Variants in FGF13 observed in about 807,000 individuals in gnomAD.
FGF13 encodes the protein fibroblast growth factor homologous factor 2.
In FGF13, 2 loss-of-function variants were observed where a neutral mutation model predicts 19.5. The observed-to-expected ratio is 0.10, with a 90% confidence interval of 0.04 to 0.32. The LOEUF is 0.32. Ranked by LOEUF, FGF13 falls within the 10% of genes least tolerant of loss-of-function variation. FGF13 has a pLI of 1.00. For missense variants in FGF13, 113 were observed against 192.7 expected, an observed-to-expected ratio of 0.59 and a Z score of 2.45; for synonymous variants, 72 against 76.9, an observed-to-expected ratio of 0.94 and a Z score of 0.33.
At chrX:139,150,778 C>A (rs1180875245) in intron 1 of FGF13, among the ~76,000 whole-genome samples, 1 of 111,735 alleles carries the variant, frequency 8.9e-6, no homozygotes, top group African/African-American at 3.3e-5. Context: ...GTATGATAAG[C>A]ACTGAGATGC....
chrX:138,637,134 G>A (rs1348135890), intron 3 of FGF13, among the ~76,000 whole-genome samples: 1 of 111,928 alleles, frequency 8.9e-6, no homozygotes, highest in South Asian at 3.7e-4. Context: ...ATGTTCAGAG[G>A]ATTCACACAA....
At chrX:139,054,209 G>A (rs1448165061) in intron 1 of FGF13, among the ~76,000 whole-genome samples, 5 of 88,743 alleles carry the variant, frequency 5.6e-5, no homozygotes, top group Admixed American at 3.1e-4. Context: ...TGCAAACTCC[G>A]CCTCCCGGGT....
chrX:139,128,373 C>G (rs2083733496), intron 1 of FGF13, among the ~76,000 whole-genome samples: 1 of 111,811 alleles, frequency 8.9e-6, no homozygotes, highest in Non-Finnish European at 1.9e-5. Flanking sequence ...TCATTATATA[C>G]TACCACAATC....
At chrX:138,909,689 A>T (rs1265044933) in intron 1 of FGF13, among the ~76,000 whole-genome samples, 1 of 112,091 alleles carries the variant, frequency 8.9e-6, no homozygotes, top group African/African-American at 3.2e-5. Context: ...CAACTCTGCA[A>T]CTTACAGTTA....
At chrX:138,681,697 A>G (rs779947883) in intron 3 of FGF13, among the ~76,000 whole-genome samples, 3 of 112,043 alleles carry the variant, frequency 2.7e-5, no homozygotes, top group Non-Finnish European at 5.6e-5. Context: ...TTAAAGTAAG[A>G]GAAGTGCAAC....
chrX:139,176,403 A>G (rs1268756573), intron 1 of FGF13, among the ~76,000 whole-genome samples: 4 of 72,697 alleles, frequency 5.5e-5, no homozygotes, highest in Non-Finnish European at 7.6e-5. Context: ...TTTTGTCTCT[A>G]TCTCCTTCAG....
chrX:139,177,430 T>C (rs887549670), intron 1 of FGF13, among the ~76,000 whole-genome samples: 2 of 110,846 alleles, frequency 1.8e-5, no homozygotes, highest in Non-Finnish European at 3.8e-5. Flanking sequence ...CATTTAAGGT[T>C]AATATTGTTA....
At chrX:138,774,015 C>G (rs752516310) in intron 3 of FGF13, among the ~76,000 whole-genome samples, 1 of 111,534 alleles carries the variant, frequency 9.0e-6, no homozygotes, top group Non-Finnish European at 1.9e-5. Context: ...CCAATGACAA[C>G]AGTCTTACTG....
chrX:138,931,277 A>T lies in FGF13; in HGVS notation c.-112-66627T>A, dbSNP rs1207927818. Among the ~76,000 whole-genome samples the T allele has an allele frequency of 2.7e-5, 3 of 111,163 alleles. No homozygotes were observed. In the Admixed American group the frequency reaches 2.8e-4, roughly 11 times the overall value. On this transcript the variant is annotated intron_variant, in intron 1 of 2. Coordinates refer to the FGF13 transcript ENST00000421460. The stretch of plus-strand genomic sequence containing the variant: ...TGTTTTTTTTTTTTAATAACTGTCA[A>T]CTTTTCCCTAGGCAGCAGGGCTGTG...
At chrX:138,743,879 A>G (rs2090337064), upstream of FGF13, among the ~76,000 whole-genome samples, 1 of 110,957 alleles carries the variant, frequency 9.0e-6, no homozygotes, top group African/African-American at 3.3e-5. Context: ...GGCAATTTGG[A>G]ATACTATCAG....
chrX:139,144,538 G>C (rs994732916), intron 1 of FGF13, among the ~76,000 whole-genome samples: 1 of 111,358 alleles, frequency 9.0e-6, no homozygotes, highest in Admixed American at 9.6e-5. Context: ...TCCTGCAATG[G>C]TCTCCTTCCT....
chrX:139,089,200 C>T (rs1289532706), intron 1 of FGF13, among the ~76,000 whole-genome samples: 1 of 111,873 alleles, frequency 8.9e-6, no homozygotes, highest in Non-Finnish European at 1.9e-5. Context: ...GGCAATGAGG[C>T]AGCTGAGGAC....
intron 1 of FGF13, among the ~76,000 whole-genome samples, chrX:138,948,171 T>C (rs1475037988): frequency 8.9e-6 from 1 of 111,874 alleles, no homozygotes; most frequent in African/African-American, 3.2e-5. Flanking sequence ...TTGTGCTTAC[T>C]ACCTTCCCCA....
intron 1 of FGF13, among the ~76,000 whole-genome samples, chrX:139,146,774 G>A (rs761893235): frequency 9.0e-6 from 1 of 111,708 alleles, no homozygotes; most frequent in East Asian, 2.8e-4. Context: ...ATACCCCATG[G>A]AATACTATGC....
intron 3 of FGF13, among the ~76,000 whole-genome samples, chrX:138,778,539 C>G (rs1569391862): frequency 8.9e-6 from 1 of 112,301 alleles, no homozygotes; most frequent in Non-Finnish European, 1.9e-5. Context: ...CTTTCCTAGT[C>G]AAAGAAAGGG....
At chrX:138,686,836 A>G (rs1227156248) in intron 3 of FGF13, among the ~76,000 whole-genome samples, 2 of 112,100 alleles carry the variant, frequency 1.8e-5, no homozygotes, top group African/African-American at 3.2e-5. Flanking sequence ...TTAGTATTCA[A>G]TGATGCATAA....
chrX:138,983,303 T>A (rs1391812440), intron 1 of FGF13, among the ~76,000 whole-genome samples: 1 of 107,872 alleles, frequency 9.3e-6, no homozygotes, highest in Non-Finnish European at 1.9e-5. Flanking sequence ...AGACGGGGTC[T>A]AATTTTATTC....
At chrX:138,659,187 A>C (rs1431489201) in intron 3 of FGF13, among the ~76,000 whole-genome samples, 2 of 112,089 alleles carry the variant, frequency 1.8e-5, no homozygotes, top group Admixed American at 1.9e-4. Context: ...TAATTAAGTA[A>C]GGCTAGGTGC....
rs2092116701 is a variant in FGF13 at position 139,008,979 on chromosome X, T to C, written c.-112-144329A>G. ...GATCCAGAAAATGAAAGGAAAATTC[T>C]TCAGTGAAATAGAATAACTAAAAGC... On this transcript the variant is annotated intron_variant, in intron 1 of 2. Coordinates refer to the FGF13 transcript ENST00000421460. 4.5e-5 allele frequency among the ~76,000 whole-genome samples: 5 copies of C among 111,677 alleles called. 1 individual carries two copies. In the South Asian group the frequency reaches 1.9e-3, roughly 42 times the overall value.
Sources: allele counts gnomAD v4.1 joint callset (sites outside exome capture counted in the v4.1 genomes callset), GRCh38; gene constraint gnomAD v4.1.1; transcripts MANE v1.5; gene names NCBI Gene and HGNC (gene_info 2026-07-23, HGNC 2026-07-21).